Variants in ENAH observed in about 807,000 individuals in gnomAD.
ENAH encodes ENAH actin regulator.
A neutral mutation model predicts 78.7 loss-of-function variants in ENAH; 23 were observed. That is an observed-to-expected ratio of 0.29 (90% CI 0.21 to 0.41). ENAH has a LOEUF of 0.41. Ranked by LOEUF, ENAH falls within the 10% of genes least tolerant of loss-of-function variation. The pLI, the probability that ENAH is intolerant of heterozygous loss-of-function variation, is 1.00. For missense variants in ENAH, 544 were observed against 691.0 expected (o/e 0.79, Z 2.39); for synonymous variants, 226 against 241.0 (o/e 0.94, Z 0.58).
Position 225,490,634 on chromosome 1 carries a change from A to G in ENAH, c.*7141T>C, listed in dbSNP as rs2096218140. ...AGCCCAAAGTACCTCTGGGAAGGAC[A>G]CCAAATTGTAAAGTCCTGACTCAGG... On this transcript the variant is annotated 3_prime_UTR_variant, in exon 14 of 14. Coordinates refer to ENST00000366843, the MANE Select transcript of ENAH (RefSeq NM_018212.6). The G allele has an allele frequency of 6.6e-6, 1 of 152,166 alleles. No homozygotes were observed. Among genetic ancestry groups the G allele is most frequent in the South Asian group, 2.1e-4 (1 of 4,828 alleles). The allele number at this position is 152,166 out of a possible 1,614,324, so 9.4% of individuals were successfully genotyped here. A position where few individuals can be genotyped will look rare whatever the true frequency, so the allele number is the denominator to read the frequency against.
At chr1:225,523,640 C>T (rs1029211807) in intron 4 of ENAH, among the ~76,000 whole-genome samples, 4 of 152,018 alleles carry the variant, frequency 2.6e-5, no homozygotes, top group Non-Finnish European at 4.4e-5. Flanking sequence ...CCCATCTAAA[C>T]GGATTTCCCA....
At chr1:225,622,855 G>A (rs1292791503) in intron 1 of ENAH, among the ~76,000 whole-genome samples, 2 of 152,110 alleles carry the variant, frequency 1.3e-5, no homozygotes, top group Non-Finnish European at 2.9e-5. Context: ...AGGGGATAGG[G>A]GATCACAGAG....
Position 225,517,434 on chromosome 1 carries a change from C to T in ENAH, c.803-128G>A, listed in dbSNP as rs539510393. On this transcript the variant is annotated intron_variant, in intron 5 of 13. Transcript: ENST00000366843. ...CGAGGGAAGGCAGTGGAGGCGGCGG[C>T]GGAGGAGCTGCTGGCCCTGAGGTAG... 1.2e-4 allele frequency: 182 copies of T among 1,551,594 alleles called. 2 individuals are homozygous for T. In the Admixed American group the frequency reaches 3.0e-3, roughly 26 times the overall value.
At chr1:225,593,037 C>T (rs755425618) in intron 1 of ENAH, among the ~76,000 whole-genome samples, 9 of 152,000 alleles carry the variant, frequency 5.9e-5, no homozygotes, top group Non-Finnish European at 1.2e-4. Flanking sequence ...CTATATCAAA[C>T]GAAGTTCAAA....
chr1:225,526,485 C>G (rs1156442064), intron 4 of ENAH, among the ~76,000 whole-genome samples: 1 of 152,036 alleles, frequency 6.6e-6, no homozygotes, highest in Non-Finnish European at 1.5e-5. Flanking sequence ...ACTACAGGTG[C>G]ATGCCACCAG....
intron 1 of ENAH, among the ~76,000 whole-genome samples, chr1:225,586,297 G>A (rs1056854038): frequency 6.7e-6 from 1 of 148,342 alleles, no homozygotes; most frequent in African/African-American, 2.5e-5. Context: ...GAAAAGAGGG[G>A]AGAGGAGGGG....
chr1:225,505,625 ATACT>A (rs1277533788), intron 11 of ENAH, among the ~76,000 whole-genome samples: 1 of 38,910 alleles, frequency 2.6e-5, no homozygotes, highest in Non-Finnish European at 5.8e-5. Context: ...AGGATAAGAC[ATACT>A]TAATACACTT....
At chr1:225,548,784 G>A (rs1056045857) in intron 3 of ENAH, among the ~76,000 whole-genome samples, 2 of 151,400 alleles carry the variant, frequency 1.3e-5, no homozygotes, top group African/African-American at 4.9e-5. Context: ...GCAGACCTAC[G>A]AAAAGACTGT....
intron 1 of ENAH, among the ~76,000 whole-genome samples, chr1:225,598,634 G>C (rs1274718258): frequency 1.3e-5 from 2 of 151,324 alleles, no homozygotes; most frequent in Non-Finnish European, 2.9e-5. Flanking sequence ...CTTTAAACCA[G>C]AGAAAGAAAA....
chr1:225,517,637 T>G, intron 5 of ENAH: 1 of 1,550,452 alleles, frequency 6.4e-7, no homozygotes. Flanking sequence ...GGCGAAAAAT[T>G]GGAAGTAGAC....
At chr1:225,526,782 T>G (rs2096508985) in intron 4 of ENAH, among the ~76,000 whole-genome samples, 2 of 152,230 alleles carry the variant, frequency 1.3e-5, no homozygotes, top group African/African-American at 4.8e-5. Context: ...CTGAAGCTAT[T>G]GCAGTATATT....
At position 225,486,932 on chromosome 1, in the gene ENAH, A is replaced by T. The variant is rs936975757; in HGVS notation, c.*10843T>A. 1 of 152,690 alleles carries T rather than the reference A, an allele frequency of 6.5e-6. No homozygotes were observed. Among genetic ancestry groups the T allele is most frequent in the African/African-American group, 2.4e-5 (1 of 41,474 alleles). The allele number at this position is 152,690 out of a possible 1,614,324, so 9.5% of individuals were successfully genotyped here. Reference sequence around the variant, plus strand: ...AGCAAAGCTGCAAAGTAGGAAAGAAAGCTGAGGGAGAGATTGATCCGATTT... The same window carrying T: ...AGCAAAGCTGCAAAGTAGGAAAGAATGCTGAGGGAGAGATTGATCCGATTT... On this transcript the variant is annotated 3_prime_UTR_variant, in exon 14 of 14. Coordinates refer to ENST00000366843, the MANE Select transcript of ENAH (RefSeq NM_018212.6).
rs1398619982 is a variant in ENAH at position 225,492,184 on chromosome 1, C to T, written c.*5591G>A. The T allele has an allele frequency of 6.6e-6, 1 of 151,442 alleles. No individual in the cohort carries two copies. The highest frequency in any genetic ancestry group is 1.9e-4 in the East Asian group (1 of 5,162). The allele number at this position is 151,442 out of a possible 1,614,324, so 9.4% of individuals were successfully genotyped here. On this transcript the variant is annotated 3_prime_UTR_variant, in exon 14 of 14. Transcript: ENST00000366843. ...ACTGCAGCCGCGTCCTCCCTGGGCT[C>T]AGGTGATCCTCCCGCTTCAGTCTCC...
intron 11 of ENAH, among the ~76,000 whole-genome samples, chr1:225,501,763 G>A (rs1008884764): frequency 1.3e-5 from 2 of 152,148 alleles, no homozygotes; most frequent in African/African-American, 4.8e-5. Context: ...AAATAAAAAG[G>A]ATATGCCAGA....
intron 1 of ENAH, among the ~76,000 whole-genome samples, chr1:225,619,280 C>G (rs918680240): frequency 6.6e-6 from 1 of 152,140 alleles, no homozygotes; most frequent in Admixed American, 6.5e-5. Context: ...CGGTGGGTCA[C>G]GCCTGTAATC....
chr1:225,521,694 CTG>C (rs2096469549), intron 4 of ENAH, among the ~76,000 whole-genome samples: 1 of 151,378 alleles, frequency 6.6e-6, no homozygotes, highest in South Asian at 2.1e-4. Context: ...TTTCATAGCA[CTG>C]TGGGGAAGAT....
intron 11 of ENAH, among the ~76,000 whole-genome samples, chr1:225,505,928 T>C (rs2096325028): frequency 6.6e-6 from 1 of 152,102 alleles, no homozygotes; most frequent in Non-Finnish European, 1.5e-5. Context: ...AACTCATCTA[T>C]ATAAAATTAT....
intron 3 of ENAH, among the ~76,000 whole-genome samples, chr1:225,548,541 T>C (rs766081706): frequency 2.1e-4 from 32 of 152,228 alleles, no homozygotes; most frequent in Non-Finnish European, 4.3e-4. Flanking sequence ...GCTTTGAAGA[T>C]CTTGAACTGA....
At chr1:225,529,822 T>C (rs2151252735) in intron 4 of ENAH, among the ~76,000 whole-genome samples, 1 of 152,248 alleles carries the variant, frequency 6.6e-6, no homozygotes, top group Admixed American at 6.5e-5. Flanking sequence ...GATTAATAAG[T>C]ATATACACTG....
Sources: allele counts gnomAD v4.1 joint callset (sites outside exome capture counted in the v4.1 genomes callset), GRCh38; gene constraint gnomAD v4.1.1; transcripts MANE v1.5; gene names NCBI Gene and HGNC (gene_info 2026-07-23, HGNC 2026-07-21).